TLN2: variants seen among roughly 807,000 people sequenced by gnomAD.
TLN2 encodes talin 2.
TLN2 carries 118 observed loss-of-function variants against 294.7 expected under a neutral mutation model. The observed-to-expected ratio is 0.40, with a 90% CI of 0.34 to 0.47. The LOEUF is 0.47. Among genes scored for constraint, TLN2 ranks in the 20% least tolerant of loss-of-function variants. The pLI is 0.84. For missense variants in TLN2, 3,083 were observed against 3,282.2 expected (o/e 0.94, Z 1.48); for synonymous variants, 1,431 against 1,304.5 (o/e 1.10, Z -2.09).
At chr15:62,648,574 TCTCA>T (rs2052206286) in intron 4 of TLN2, among the ~76,000 whole-genome samples, 1 of 123,154 alleles carries the variant, frequency 8.1e-6, no homozygotes, top group Non-Finnish European at 1.6e-5. Flanking sequence ...TGAGATGGAA[TCTCA>T]CTCTTGTTGC....
chr15:62,650,157 G>A lies in TLN2; in HGVS notation c.210G>A (p.Leu70=), dbSNP rs1274004906. ...TTTGGCTGGAAGCGGGCAGAACACT[G>A]GATTACTACATGTTGCGGAATGGGG... The part of the protein sequence containing the change: ...KGIWLEAGRT[L]DYYMLRNGDI... Residue 70 remains leucine (L), a synonymous_variant, in exon 5 of 59, where the codon CTG becomes CTA. Transcript: ENST00000636159. 3 of 1,614,038 alleles carry A rather than the reference G, an allele frequency of 1.9e-6. No individual in the cohort carries two copies. Among genetic ancestry groups the A allele is most frequent in the Non-Finnish European group, 2.5e-6 (3 of 1,180,030 alleles).
At chr15:62,715,837 C>T (rs1311431477) in intron 22 of TLN2, among the ~76,000 whole-genome samples, 1 of 152,142 alleles carries the variant, frequency 6.6e-6, no homozygotes, top group Non-Finnish European at 1.5e-5. Context: ...GAACGGCATT[C>T]CTGAGCCCTC....
At chr15:62,526,103 A>G (rs1309869365) in intron 1 of TLN2, among the ~76,000 whole-genome samples, 3 of 152,174 alleles carry the variant, frequency 2.0e-5, no homozygotes, top group African/African-American at 7.2e-5. Context: ...AACAAACTCA[A>G]TAAGCAAAAG....
At chr15:62,697,925 G>A in intron 15 of TLN2, 57 bp downstream of exon 15, 1 of 1,574,494 alleles carries the variant, frequency 6.4e-7, no homozygotes, top group Non-Finnish European at 8.6e-7. Flanking sequence ...CGCATGCAGG[G>A]TGGACACCAG....
chr15:62,586,320 T>C (rs1032724153), intron 1 of TLN2, among the ~76,000 whole-genome samples: 5 of 152,092 alleles, frequency 3.3e-5, no homozygotes, highest in Admixed American at 6.6e-5. Context: ...AATTGGAGAG[T>C]GGTTCTTGTC....
chr15:62,647,361 G>A lies in TLN2; in HGVS notation c.51G>A (p.Lys17=), dbSNP rs1417470391. 3 of 1,614,218 alleles carry A rather than the reference G, an allele frequency of 1.9e-6. No homozygotes were observed. The highest frequency in any genetic ancestry group is 2.5e-6 in the Non-Finnish European group (3 of 1,180,036). Residue 17 remains lysine (K), a synonymous_variant, in exon 4 of 59, where the codon AAG becomes AAA. Coordinates refer to ENST00000636159, the MANE Select transcript of TLN2 (RefSeq NM_015059.3). The stretch of plus-strand genomic sequence containing the variant: ...GTGTGCGCCACTGCAACGTGGTGAA[G>A]ACCATGCAGTTTGAACCATCTACAG... The part of the protein sequence containing the change: ...KICVRHCNVV[K]TMQFEPSTAV...
In TLN2 at chr15:62,546,607, G is replaced by T. The variant is rs796180762; in HGVS notation, c.-237-43080G>T. Reference sequence around the variant, plus strand: ...TTTTTTCTATCCAGTTGCAAGGACAGCATAGAGAGCCCCTCTTAGCATAAA... The same window carrying T: ...TTTTTTCTATCCAGTTGCAAGGACATCATAGAGAGCCCCTCTTAGCATAAA... On this transcript the variant is annotated intron_variant, in intron 1 of 58. Transcript: ENST00000636159. 6.6e-5 allele frequency among the ~76,000 whole-genome samples: 10 copies of T among 152,308 alleles called. 1 individual carries two copies. Among genetic ancestry groups the T allele is most frequent in the African/African-American group, 2.4e-4 (10 of 41,568 alleles).
chr15:62,536,763 T>G (rs1189116217), intron 1 of TLN2, among the ~76,000 whole-genome samples: 1 of 152,234 alleles, frequency 6.6e-6, no homozygotes, highest in Non-Finnish European at 1.5e-5. Flanking sequence ...CTAATGGTAA[T>G]TTTTAAAGAA....
intron 1 of TLN2, among the ~76,000 whole-genome samples, chr15:62,514,958 A>C (rs183058220): frequency 3.9e-5 from 6 of 152,348 alleles, no homozygotes; most frequent in Admixed American, 3.3e-4. Context: ...TAAGTCTGGA[A>C]CATTTTGTGG....
chr15:62,442,492 CAGAAAAAAA>C (rs2035601803), intron 1 of TLN2, among the ~76,000 whole-genome samples: 1 of 65,562 alleles, frequency 1.5e-5, no homozygotes, highest in Non-Finnish European at 2.9e-5. Context: ...GACTCTGTCT[CAGAAAAAAA>C]AAAAAAAAAA....
rs149303638 is a variant in TLN2, at chr15:62,580,715, T to C, written c.-237-8972T>C. 1.3e-3 allele frequency among the ~76,000 whole-genome samples: 194 copies of C among 151,886 alleles called. 1 individual carries two copies. Among genetic ancestry groups the C allele is most frequent in the African/African-American group, 4.4e-3 (183 of 41,430 alleles). On this transcript the variant is annotated intron_variant, in intron 1 of 58. Coordinates refer to ENST00000636159, the MANE Select transcript of TLN2 (RefSeq NM_015059.3). ...CATGCACCACTGCACCTGGCTAGGG[T>C]TTATTCTTGGTGTTGCACGTTCTTT... is the stretch of plus-strand genomic sequence containing the variant.
intron 1 of TLN2, among the ~76,000 whole-genome samples, chr15:62,401,650 G>A (rs1010238623): frequency 2.0e-5 from 3 of 152,138 alleles, no homozygotes; most frequent in Admixed American, 6.5e-5. Flanking sequence ...AGGACCACTC[G>A]TCTACAGTCC....
At chr15:62,587,387 A>G (rs114639398) in intron 1 of TLN2, among the ~76,000 whole-genome samples, 7,612 of 152,330 alleles carry the variant, frequency 0.05, 257 homozygotes, top group African/African-American at 0.093. Context: ...TGATAACCAG[A>G]ATCATAACTA....
chr15:62,770,798 G>A (rs965510403), intron 41 of TLN2, among the ~76,000 whole-genome samples, 166 bp from the exon 42 acceptor site: 1 of 152,162 alleles, frequency 6.6e-6, no homozygotes, highest in Admixed American at 6.5e-5. Context: ...AACCAAGAAA[G>A]AGTCCATTAA....
intron 53 of TLN2, 135 bp downstream of exon 53, chr15:62,819,756 TC>T: frequency 1.4e-6 from 1 of 690,074 alleles, no homozygotes; most frequent in South Asian, 1.9e-5. Context: ...GTGAGGACTT[TC>T]TGCAAGCAAA....
intron 32 of TLN2, among the ~76,000 whole-genome samples, chr15:62,744,586 G>C (rs986084109): frequency 6.6e-6 from 1 of 151,638 alleles, no homozygotes; most frequent in African/African-American, 2.4e-5. Context: ...TCGCTCCGTC[G>C]CCCAGGCTGG....
Position 62,741,748 on chromosome 15 carries a change from C to CGCGTGCGCGTGTGTGTGTGTGTGT in TLN2, c.4025+980_4025+981insCGTGCGCGTGTGTGTGTGTGTGTG. Among the ~76,000 whole-genome samples, 63 of 131,164 alleles carry CGCGTGCGCGTGTGTGTGTGTGTGT rather than the reference C, an allele frequency of 4.8e-4. No individual in the cohort carries two copies. The East Asian group carries it at 0.011, about 22-fold the overall frequency. 86.0% of individuals were successfully genotyped at this position (131,164 alleles called of 152,430 possible). A position where few individuals can be genotyped will look rare whatever the true frequency, so the allele number is the denominator to read the frequency against. ...TTAACTTGGTTTTTTAAAATTTGCG[C>CGCGTGCGCGTGTGTGTGTGTGTGT]GTGTGTGTGTGTGTGTGTGTCTTTA... On this transcript the variant is annotated intron_variant, in intron 32 of 58. Coordinates refer to ENST00000636159, the MANE Select transcript of TLN2 (RefSeq NM_015059.3).
intron 1 of TLN2, among the ~76,000 whole-genome samples, chr15:62,442,360 G>A (rs2035588253): frequency 6.6e-6 from 1 of 151,878 alleles, no homozygotes; most frequent in South Asian, 2.1e-4. Flanking sequence ...CTGGTGTGGT[G>A]GTGCGTGCCT....
chr15:62,823,616 C>A (rs2067771713), intron 54 of TLN2, among the ~76,000 whole-genome samples: 1 of 152,198 alleles, frequency 6.6e-6, no homozygotes, highest in Admixed American at 6.5e-5. Context: ...CTGCTCACCA[C>A]CGTCTCAGGT....
Sources: allele counts gnomAD v4.1 joint callset (sites outside exome capture counted in the v4.1 genomes callset), GRCh38; gene constraint gnomAD v4.1.1; transcripts MANE v1.5; gene names NCBI Gene and HGNC (gene_info 2026-07-23, HGNC 2026-07-21).